The following ERN1 variants were observed in gnomAD, a reference collection of about 807,000 sequenced individuals.
ERN1 encodes endoplasmic reticulum to nucleus signaling 1, also known as serine/threonine-protein kinase/endoribonuclease IRE1.
A neutral mutation model predicts 113.1 loss-of-function variants in ERN1; 39 were observed. That is an observed-to-expected ratio of 0.34 (90% CI 0.27 to 0.45). ERN1 has a LOEUF of 0.45. Ranked by LOEUF, ERN1 falls within the 20% of genes least tolerant of loss-of-function variation. The pLI is 1.00. For missense variants in ERN1, 976 were observed against 1,274.8 expected, an observed-to-expected ratio of 0.77 and a Z score of 3.57; for synonymous variants, 507 against 515.9, an observed-to-expected ratio of 0.98 and a Z score of 0.23.
intron 1 of ERN1, among the ~76,000 whole-genome samples, chr17:64,120,425 GAC>G: frequency 6.6e-6 from 1 of 152,192 alleles, no homozygotes; most frequent in Non-Finnish European, 1.5e-5. Flanking sequence ...CGGTTTCCAT[GAC>G]AGACACTCCT....
chr17:64,093,671 G>C (rs1256427476), intron 2 of ERN1, among the ~76,000 whole-genome samples: 1 of 152,010 alleles, frequency 6.6e-6, no homozygotes, highest in East Asian at 1.9e-4. Context: ...CCATCCTAAG[G>C]GCCCCATCTT....
chr17:64,051,341 A>G (rs1912677185), intron 17 of ERN1, among the ~76,000 whole-genome samples: 1 of 152,162 alleles, frequency 6.6e-6, no homozygotes, highest in African/African-American at 2.4e-5. Flanking sequence ...CTGAAGTATC[A>G]CCCCAAATAC....
chr17:64,049,500 A>C lies in ERN1; in HGVS notation c.2254-298T>G, dbSNP rs1355111570. On this transcript the variant is annotated intron_variant, in intron 17 of 21. Transcript: ENST00000433197. This position sits in a 1 kb window ranked among gnomAD's most constrained non-coding sequence, Gnocchi z 4.7. The stretch of plus-strand genomic sequence containing the variant: ...GTCAAAAGAGATGCATTAATATGCA[A>C]AAATGGTTGCTTACGACAGTGCTTG... Among the ~76,000 whole-genome samples the C allele has an allele frequency of 6.6e-6, 1 of 152,216 alleles. No homozygotes were observed. Among genetic ancestry groups the C allele is most frequent in the East Asian group, 1.9e-4 (1 of 5,196 alleles).
At chr17:64,090,672 G>A (rs974100987) in intron 2 of ERN1, among the ~76,000 whole-genome samples, 1 of 152,224 alleles carries the variant, frequency 6.6e-6, no homozygotes, top group Non-Finnish European at 1.5e-5. Context: ...ACGACCCATC[G>A]GAGCTGAGAT....
intron 2 of ERN1, among the ~76,000 whole-genome samples, chr17:64,096,571 C>T (rs775721637): frequency 1.5e-4 from 23 of 152,286 alleles, no homozygotes; most frequent in South Asian, 2.1e-4. Flanking sequence ...CCTGCTCCCC[C>T]GGTCCATGGA....
intron 3 of ERN1, 84 bp downstream of exon 3, chr17:64,080,691 A>T: frequency 2.4e-6 from 3 of 1,242,318 alleles, no homozygotes; most frequent in Non-Finnish European, 3.5e-6. Flanking sequence ...ACATATATGC[A>T]CTCCCAGCAA....
chr17:64,071,107 G>C (rs1025534142), intron 6 of ERN1, among the ~76,000 whole-genome samples: 1 of 152,190 alleles, frequency 6.6e-6, no homozygotes, highest in Non-Finnish European at 1.5e-5. Context: ...AAAATGGTGC[G>C]GTGAAGAGGG....
At chr17:64,129,677 G>C (rs911941169) in intron 1 of ERN1, 2 of 373,444 alleles carry the variant, frequency 5.4e-6, no homozygotes, top group African/African-American at 2.1e-5. Context: ...AGGACGCCAC[G>C]AAGTTGCGCC....
intron 5 of ERN1, among the ~76,000 whole-genome samples, chr17:64,072,747 A>G (rs1913460061): frequency 6.6e-6 from 1 of 152,220 alleles, no homozygotes; most frequent in African/African-American, 2.4e-5. Flanking sequence ...CACAGTAAAT[A>G]ACACTATATA....
At position 64,102,007 on chromosome 17, in the gene ERN1, C is replaced by T. The variant is rs567456859; in HGVS notation, c.55-3766G>A. ...ATAAAACACTAATCATGGCCGGGACCGGTGGCTCATGCCTGTAATCTCAGC... is the reference window on the plus strand; with the variant it reads ...ATAAAACACTAATCATGGCCGGGACTGGTGGCTCATGCCTGTAATCTCAGC... On this transcript the variant is annotated intron_variant, in intron 1 of 21. Coordinates refer to ENST00000433197, the MANE Select transcript of ERN1 (RefSeq NM_001433.5). Among the ~76,000 whole-genome samples the T allele has an allele frequency of 2.8e-4, 42 of 152,134 alleles. 1 individual carries two copies. Among genetic ancestry groups the T allele is most frequent in the African/African-American group, 8.0e-4 (33 of 41,476 alleles).
At chr17:64,088,273 C>A (rs1708481713) in intron 2 of ERN1, among the ~76,000 whole-genome samples, 1 of 152,138 alleles carries the variant, frequency 6.6e-6, no homozygotes, top group Non-Finnish European at 1.5e-5. Flanking sequence ...CTTGTTCTTT[C>A]TGACCCCATC....
At chr17:64,125,801 GT>G (rs1004017377) in intron 1 of ERN1, among the ~76,000 whole-genome samples, 19 of 152,206 alleles carry the variant, frequency 1.2e-4, no homozygotes, top group African/African-American at 3.4e-4. Flanking sequence ...GAAGCTCAAT[GT>G]TTTTTTACAT....
chr17:64,121,114 CTCT>C (rs1166114641), intron 1 of ERN1, among the ~76,000 whole-genome samples: 2 of 152,154 alleles, frequency 1.3e-5, no homozygotes, highest in Admixed American at 6.5e-5. Flanking sequence ...CATTAGTCTC[CTCT>C]GAGAGCTACC....
chr17:64,093,890 G>C (rs1392565518), intron 2 of ERN1, among the ~76,000 whole-genome samples: 1 of 152,230 alleles, frequency 6.6e-6, no homozygotes, highest in Non-Finnish European at 1.5e-5. Context: ...TATCCGTAGG[G>C]AGAGCACAGC....
intron 2 of ERN1, among the ~76,000 whole-genome samples, chr17:64,093,670 G>A (rs1914149666): frequency 6.6e-6 from 1 of 152,068 alleles, no homozygotes. Context: ...TCCATCCTAA[G>A]GGCCCCATCT....
rs1913182229 is a variant in ERN1, at chr17:64,065,227, G to A, written c.903C>T (p.His301=). The A allele has an allele frequency of 2.5e-6, 4 of 1,608,226 alleles. No individual in the cohort carries two copies. Among genetic ancestry groups the A allele is most frequent in the East Asian group, 2.2e-5 (1 of 44,790 alleles). The change falls in exon 9 of 22, where the codon CAC becomes CAT. Residue 301 remains histidine (H), a synonymous_variant. Coordinates refer to ENST00000433197, the MANE Select transcript of ERN1 (RefSeq NM_001433.5). ...TSLYASPSMV[H]EGVAVVPRGS... is the part of the protein sequence containing the mutation. ...GACTTACCACGACAGCAACCCCCTC[G>A]TGTACCATTGAGGGAGAGGCATAGA... is the stretch of plus-strand genomic sequence containing the variant.
At chr17:64,114,682 T>C (rs567719557) in intron 1 of ERN1, among the ~76,000 whole-genome samples, 8 of 152,182 alleles carry the variant, frequency 5.3e-5, no homozygotes, top group East Asian at 1.9e-4. Flanking sequence ...AACAGGAAGG[T>C]TGCTGTTCAC....
chr17:64,068,832 T>G (rs942304192), intron 6 of ERN1, among the ~76,000 whole-genome samples: 8 of 152,144 alleles, frequency 5.3e-5, no homozygotes, highest in Non-Finnish European at 1.0e-4. Flanking sequence ...TTGCTTGCAG[T>G]AACTTGGAAG....
In ERN1 at chr17:64,057,854, A is replaced by G; in HGVS notation, c.1346T>C (p.Leu449Pro). ...SMLKDMATII[L>P]STFLLIGWVA... Reference sequence around the variant, plus strand: ...CCAGCCAATCAGCAGGAAGGTGCTCAGGATGATGGTAGCCATGTCCTTAAG... The same window carrying G: ...CCAGCCAATCAGCAGGAAGGTGCTCGGGATGATGGTAGCCATGTCCTTAAG... The change falls in exon 12 of 22, where the codon CTG becomes CCG. Residue 449 changes from leucine to proline, a missense_variant. Coordinates refer to ENST00000433197, the MANE Select transcript of ERN1 (RefSeq NM_001433.5). The G allele has an allele frequency of 6.2e-7, 1 of 1,614,034 alleles. No homozygotes were observed. Among genetic ancestry groups the G allele is most frequent in the Non-Finnish European group, 8.5e-7 (1 of 1,179,892 alleles).
Sources: gnomAD v4.1 joint callset for allele counts (sites outside exome capture counted in the v4.1 genomes callset) on GRCh38, gnomAD v4.1.1 for gene constraint, Gnocchi (gnomAD v3.1) non-coding constraint, MANE v1.5 for transcripts, NCBI Gene and HGNC (gene_info 2026-07-23, HGNC 2026-07-21) for gene names.